The following SEM1 variants were observed in gnomAD, a reference collection of about 807,000 sequenced individuals.
The protein encoded by SEM1 is SEM1 26S proteasome subunit, also known as 26S proteasome complex subunit SEM1.
Under a neutral mutation model 12.7 loss-of-function variants are expected in SEM1, and 3 were observed. That is an observed-to-expected ratio of 0.24 (90% CI 0.11 to 0.61). SEM1 has a LOEUF of 0.61. SEM1 is among the 20% of genes least tolerant of loss of function. SEM1 has a pLI of 0.88. For missense variants in SEM1, 59 were observed against 81.3 expected, an observed-to-expected ratio of 0.73 and a Z score of 1.06; for synonymous variants, 30 against 27.8, an observed-to-expected ratio of 1.08 and a Z score of -0.25.
At chr7:96,673,085 C>A (rs1381507126), downstream of SEM1, 1 of 151,872 alleles carries the variant, frequency 6.6e-6, no homozygotes, top group Non-Finnish European at 1.5e-5. Flanking sequence ...ACATGGAAGT[C>A]ATTTCTTCTA....
chr7:96,658,117 GCCGA>G (rs1809242080), intron 2 of SEM1, among the ~76,000 whole-genome samples: 2 of 152,110 alleles, frequency 1.3e-5, no homozygotes, highest in African/African-American at 4.8e-5. Context: ...GGTTACTTAG[GCCGA>G]TGAATCCCAA....
At chr7:96,650,519 G>T (rs1238893588) in intron 2 of SEM1, 14 of 753,624 alleles carry the variant, frequency 1.9e-5, no homozygotes, top group Non-Finnish European at 2.9e-5. Context: ...TTTTCTCACA[G>T]CTTTAGCATG....
intron 2 of SEM1, among the ~76,000 whole-genome samples, chr7:96,508,370 T>C (rs1658177018): frequency 6.6e-6 from 1 of 152,098 alleles, no homozygotes; most frequent in Non-Finnish European, 1.5e-5. Flanking sequence ...GAAGCAATGA[T>C]ATCATAACAA....
intron 2 of SEM1, among the ~76,000 whole-genome samples, chr7:96,574,848 A>G (rs1806155352): frequency 6.6e-6 from 1 of 152,140 alleles, no homozygotes; most frequent in Non-Finnish European, 1.5e-5. Flanking sequence ...TGGTTATTCT[A>G]GTTAGCAATT....
chr7:96,584,510 G>A (rs1806539363), intron 2 of SEM1, among the ~76,000 whole-genome samples: 1 of 151,890 alleles, frequency 6.6e-6, no homozygotes. Context: ...TCTGAACGTT[G>A]GCCTGCCTTG....
chr7:96,685,926 A>G (rs1249573719), downstream of SEM1, among the ~76,000 whole-genome samples: 1 of 152,094 alleles, frequency 6.6e-6, no homozygotes, highest in Non-Finnish European at 1.5e-5. Flanking sequence ...CACACAACTA[A>G]TAAGTGGTCT....
At chr7:96,671,004 C>G (rs1032946433), downstream of SEM1, among the ~76,000 whole-genome samples, 1 of 152,158 alleles carries the variant, frequency 6.6e-6, no homozygotes, top group Non-Finnish European at 1.5e-5. Context: ...TACAACTGCT[C>G]CAAGGCTCTT....
chr7:96,669,151 C>T (rs532326585), downstream of SEM1, among the ~76,000 whole-genome samples: 5 of 152,238 alleles, frequency 3.3e-5, no homozygotes, highest in South Asian at 2.1e-4. Context: ...GTCTGTGGTA[C>T]TTTGTTATGG....
intron 2 of SEM1, among the ~76,000 whole-genome samples, chr7:96,513,997 A>T (rs1425253084): frequency 6.6e-6 from 1 of 152,120 alleles, no homozygotes; most frequent in Non-Finnish European, 1.5e-5. Context: ...CTCTTTCATT[A>T]TAATGGCTAC....
intron 2 of SEM1, among the ~76,000 whole-genome samples, chr7:96,540,392 T>C (rs1409580402): frequency 6.6e-6 from 1 of 151,772 alleles, no homozygotes; most frequent in African/African-American, 2.4e-5. Flanking sequence ...AATATTCAAC[T>C]CATCTCAGTA....
chr7:96,652,815 AAG>A (rs1269501754), intron 2 of SEM1, among the ~76,000 whole-genome samples: 2 of 152,214 alleles, frequency 1.3e-5, no homozygotes, highest in Non-Finnish European at 2.9e-5. Flanking sequence ...GCATGCATTG[AAG>A]AGTCTGTGAA....
chr7:96,693,760 T>TTGTGTGTGTGTGTGTGTGTG (rs566641071), intron 2 of SEM1, among the ~76,000 whole-genome samples: 74 of 139,618 alleles, frequency 5.3e-4, no homozygotes, highest in East Asian at 1.2e-3. Context: ...ACAATTCCAC[T>TTGTGTGTGTGTGTGTGTGTG]TGTGTGTGTG....
At chr7:96,661,988 CAAAAAAAA>C in intron 2 of SEM1, among the ~76,000 whole-genome samples, 1 of 36,032 alleles carries the variant, frequency 2.8e-5, no homozygotes, top group African/African-American at 9.0e-5. Context: ...AACTCCGTCT[CAAAAAAAA>C]AAAAAAAAAA....
At chr7:96,669,565 T>G (rs963982039), downstream of SEM1, among the ~76,000 whole-genome samples, 5 of 152,174 alleles carry the variant, frequency 3.3e-5, no homozygotes, top group Admixed American at 6.6e-5. Context: ...AGATGCAACT[T>G]GTTGAACCTT....
chr7:96,638,679 C>A (rs976328282), intron 2 of SEM1, among the ~76,000 whole-genome samples: 2 of 151,772 alleles, frequency 1.3e-5, no homozygotes, highest in Admixed American at 6.6e-5. Flanking sequence ...AATAAATATT[C>A]TTTATAATAT....
At chr7:96,525,160 C>T (rs960062879) in intron 2 of SEM1, among the ~76,000 whole-genome samples, 15 of 152,056 alleles carry the variant, frequency 9.9e-5, no homozygotes, top group Non-Finnish European at 2.1e-4. Flanking sequence ...ATCCCCACTG[C>T]TCCTTTAAAC....
At chr7:96,577,130 G>T (rs1452807980) in intron 2 of SEM1, among the ~76,000 whole-genome samples, 3 of 150,640 alleles carry the variant, frequency 2.0e-5, no homozygotes, top group African/African-American at 7.3e-5. Context: ...AAAAAAAAAT[G>T]GATACAATAT....
chr7:96,543,337 A>C (rs1016709277), intron 2 of SEM1, among the ~76,000 whole-genome samples: 11 of 152,118 alleles, frequency 7.2e-5, no homozygotes, highest in African/African-American at 2.6e-4. Context: ...ACACTGTTTG[A>C]TATAAGGCAC....
At chr7:96,610,428 A>G (rs1807505867) in intron 2 of SEM1, among the ~76,000 whole-genome samples, 1 of 152,036 alleles carries the variant, frequency 6.6e-6, no homozygotes, top group Non-Finnish European at 1.5e-5. Context: ...CAATTTTCCT[A>G]TCCTGAGGGA....
Sources: allele counts gnomAD v4.1 joint callset (sites outside exome capture counted in the v4.1 genomes callset), GRCh38; gene constraint gnomAD v4.1.1; transcripts MANE v1.5; gene names NCBI Gene and HGNC (gene_info 2026-07-23, HGNC 2026-07-21).